Variants in DACH2 observed in about 807,000 individuals in gnomAD.
DACH2 encodes the protein dachshund family transcription factor 2.
A neutral mutation model predicts 35.8 loss-of-function variants in DACH2; 17 were observed. The observed-to-expected ratio is 0.48, with a 90% confidence interval of 0.33 to 0.71. DACH2 has a LOEUF of 0.71. DACH2 is among the 30% of genes least tolerant of loss of function. The pLI is 0.02. For missense variants in DACH2, 469 were observed against 472.7 expected (o/e 0.99, Z 0.07); for synonymous variants, 195 against 177.3 (o/e 1.10, Z -0.79).
chrX:86,539,311 T>G (rs1422171530), intron 3 of DACH2, among the ~76,000 whole-genome samples: 1 of 111,382 alleles, frequency 9.0e-6, no homozygotes, highest in Non-Finnish European at 1.9e-5. Flanking sequence ...TTTCCTGAGG[T>G]CTCCTCATCC....
At chrX:86,763,786 G>T (rs1057374888) in intron 7 of DACH2, among the ~76,000 whole-genome samples, 1 of 111,524 alleles carries the variant, frequency 9.0e-6, no homozygotes, top group Non-Finnish European at 1.9e-5. Context: ...TCTGGTTTTG[G>T]GTAATATTCT....
intron 1 of DACH2, among the ~76,000 whole-genome samples, chrX:86,338,225 A>G (rs1251071445): frequency 8.9e-6 from 1 of 111,778 alleles, no homozygotes; most frequent in Non-Finnish European, 1.9e-5. Flanking sequence ...CCTAATAGAC[A>G]TCTACAGAAC....
At chrX:86,174,761 T>C (rs2031248351) in intron 1 of DACH2, among the ~76,000 whole-genome samples, 1 of 111,980 alleles carries the variant, frequency 8.9e-6, no homozygotes, top group South Asian at 3.7e-4. Context: ...CCTTGCAGCC[T>C]TGAACTCCTG....
chrX:86,294,437 A>T (rs6623632), intron 1 of DACH2, among the ~76,000 whole-genome samples: 2,576 of 108,926 alleles, frequency 0.024, 76 homozygotes, highest in African/African-American at 0.083. Flanking sequence ...CAAAGTCATT[A>T]TCCATCCAGC....
chrX:86,553,795 G>A (rs1356633623), intron 3 of DACH2, among the ~76,000 whole-genome samples: 1 of 111,585 alleles, frequency 9.0e-6, no homozygotes, highest in Non-Finnish European at 1.9e-5. Context: ...CCAGGTTACT[G>A]GGATCACCCC....
intron 7 of DACH2, among the ~76,000 whole-genome samples, chrX:86,778,158 ATT>A (rs1014481866): frequency 9.0e-6 from 1 of 111,512 alleles, no homozygotes; most frequent in African/African-American, 3.3e-5. Context: ...TATACCCAGT[ATT>A]GGTATAGCTG....
chrX:86,695,885 A>G (rs911334064), intron 5 of DACH2, among the ~76,000 whole-genome samples: 1 of 111,015 alleles, frequency 9.0e-6, no homozygotes, highest in East Asian at 2.8e-4. Context: ...TAATATCCAC[A>G]ACTATAGACT....
chrX:86,418,586 T>A (rs2036748818), intron 2 of DACH2, among the ~76,000 whole-genome samples: 1 of 111,696 alleles, frequency 9.0e-6, no homozygotes, highest in African/African-American at 3.3e-5. Flanking sequence ...GCAGCTGAGA[T>A]GCAGGACACC....
intron 5 of DACH2, 130 bp downstream of exon 5, chrX:86,695,309 G>A (rs757957988): frequency 2.0e-6 from 1 of 510,794 alleles, no homozygotes; most frequent in East Asian, 4.6e-5. Flanking sequence ...TATCAGAAGG[G>A]GAGGTAAAGA....
At chrX:86,640,346 C>T (rs2040329778) in intron 3 of DACH2, among the ~76,000 whole-genome samples, 2 of 111,360 alleles carry the variant, frequency 1.8e-5, no homozygotes, top group South Asian at 7.6e-4. Flanking sequence ...GCTTTATCCA[C>T]ATCTCCAACA....
chrX:86,499,149 A>C (rs2038214284), intron 2 of DACH2, among the ~76,000 whole-genome samples: 1 of 112,377 alleles, frequency 8.9e-6, no homozygotes, highest in Non-Finnish European at 1.9e-5. Flanking sequence ...TTTGGATTTG[A>C]AGCTGTCTAT....
chrX:86,502,842 A>G (rs2038270948), intron 2 of DACH2, among the ~76,000 whole-genome samples: 1 of 111,874 alleles, frequency 8.9e-6, no homozygotes, highest in African/African-American at 3.3e-5. Flanking sequence ...AAATTTGTAC[A>G]CTTTCTTAAA....
intron 2 of DACH2, among the ~76,000 whole-genome samples, chrX:86,436,415 A>G (rs1021656960): frequency 2.4e-4 from 26 of 110,259 alleles, no homozygotes; most frequent in African/African-American, 8.5e-4. Context: ...TCAAACACAG[A>G]TATGAATAGA....
chrX:86,236,396 A>G (rs1398460793), intron 1 of DACH2, among the ~76,000 whole-genome samples: 1 of 112,300 alleles, frequency 8.9e-6, no homozygotes, highest in African/African-American at 3.2e-5. Flanking sequence ...CAAAATTGTT[A>G]ACACAAGCCC....
chrX:86,665,617 C>A (rs906331929), intron 4 of DACH2, among the ~76,000 whole-genome samples: 2 of 111,271 alleles, frequency 1.8e-5, no homozygotes, highest in Non-Finnish European at 3.8e-5. Context: ...TTATAGCCAA[C>A]GAAGGAAAAA....
chrX:86,412,835 C>T (rs2036637050), intron 2 of DACH2, among the ~76,000 whole-genome samples: 1 of 111,726 alleles, frequency 9.0e-6, no homozygotes, highest in Non-Finnish European at 1.9e-5. Flanking sequence ...GTAGCTTCTA[C>T]AGCAGCCTAG....
chrX:86,259,954 AT>A (rs973816048), intron 1 of DACH2, among the ~76,000 whole-genome samples: 41 of 109,491 alleles, frequency 3.7e-4, no homozygotes, highest in Non-Finnish European at 2.7e-4. Flanking sequence ...CTTACTGCTT[AT>A]TTTTTTTTAG....
At chrX:86,217,162 G>A (rs1269132157) in intron 1 of DACH2, among the ~76,000 whole-genome samples, 1 of 108,075 alleles carries the variant, frequency 9.3e-6, no homozygotes, top group East Asian at 2.8e-4. Flanking sequence ...TTTCAATATG[G>A]CATTGAAATA....
Position 86,435,430 on chromosome X carries a change from T to C in DACH2, c.527+58568T>C, listed in dbSNP as rs536647539. On this transcript the variant is annotated intron_variant, in intron 2 of 11. Transcript: ENST00000373125. ...TATATACATTTGAATTTAATAGTTC[T>C]GTTTGTTCATTAGCAGAAACTTAAA... Among the ~76,000 whole-genome samples, 157 of 112,225 alleles carry C rather than the reference T, an allele frequency of 1.4e-3. 1 individual carries two copies. The highest frequency in any genetic ancestry group is 4.8e-3 in the African/African-American group (149 of 30,933).
Sources: allele counts gnomAD v4.1 joint callset (sites outside exome capture counted in the v4.1 genomes callset), GRCh38; gene constraint gnomAD v4.1.1; transcripts MANE v1.5; gene names NCBI Gene and HGNC (gene_info 2026-07-23, HGNC 2026-07-21).